Variants in PID1 observed in about 807,000 individuals in gnomAD.
PID1 encodes the protein phosphotyrosine interaction domain containing 1.
PID1 carries 10 observed loss-of-function variants against 19.1 expected under a neutral mutation model. That is an observed-to-expected ratio of 0.52 (90% confidence interval 0.32 to 0.89). The LOEUF is 0.89. PID1 is among the 40% of genes least tolerant of loss of function. The probability of loss-of-function intolerance (pLI) is 0.03; values close to 1 mark genes in which losing one functional copy is unlikely to be tolerated. For synonymous variants in PID1, 130 were observed against 116.0 expected (o/e 1.12, Z -0.78); for missense variants, 248 against 285.3 (o/e 0.87, Z 0.94).
chr2:229,068,734 G>A (rs1423092316), intron 2 of PID1, among the ~76,000 whole-genome samples: 4 of 152,258 alleles, frequency 2.6e-5, no homozygotes, highest in South Asian at 2.1e-4. Context: ...GAAGCCGCCC[G>A]CAAGGGTATC....
At chr2:229,029,211 C>G (rs2106163276) in intron 2 of PID1, among the ~76,000 whole-genome samples, 1 of 151,566 alleles carries the variant, frequency 6.6e-6, no homozygotes, top group South Asian at 2.1e-4. Context: ...ACTTGTACCC[C>G]TGGACCTAAA....
chr2:229,046,855 C>T (rs1484613289), intron 2 of PID1, among the ~76,000 whole-genome samples: 4 of 152,182 alleles, frequency 2.6e-5, no homozygotes, highest in African/African-American at 9.7e-5. Flanking sequence ...GTTCTGCAAT[C>T]CAACGGTCTA....
Position 229,265,415 on chromosome 2 carries a change from G to C in PID1, c.30+5599C>G, listed in dbSNP as rs116509932. Among the ~76,000 whole-genome samples, 444 of 152,336 alleles carry C rather than the reference G, an allele frequency of 2.9e-3. 1 individual carries two copies. The highest frequency in any genetic ancestry group is 0.017 in the Middle Eastern group (5 of 294). ...TTTTCCCTGACACCTTCCTTTTGCA[G>C]TCTTTGGCCTCAAGGGTTGGACCTG... On this transcript the variant is annotated intron_variant, in intron 1 of 2. Coordinates refer to ENST00000392055, the MANE Select transcript of PID1 (RefSeq NM_001100818.2).
chr2:229,092,064 C>T (rs1040224085), intron 2 of PID1, among the ~76,000 whole-genome samples: 4 of 112,036 alleles, frequency 3.6e-5, no homozygotes, highest in African/African-American at 1.2e-4. Flanking sequence ...ATCGTCCTGG[C>T]TTGCACTGAT....
chr2:229,061,512 T>C (rs1694211833), intron 2 of PID1, among the ~76,000 whole-genome samples: 1 of 152,112 alleles, frequency 6.6e-6, no homozygotes, highest in Admixed American at 6.6e-5. Flanking sequence ...ACTACAACTT[T>C]GTAATAGATT....
At chr2:229,072,264 A>G (rs1694470127) in intron 2 of PID1, among the ~76,000 whole-genome samples, 1 of 152,224 alleles carries the variant, frequency 6.6e-6, no homozygotes, top group Admixed American at 6.5e-5. Context: ...TTTTGCTATC[A>G]TAATGTTAAT....
chr2:229,161,179 C>T (rs988523408), intron 1 of PID1, among the ~76,000 whole-genome samples: 6 of 152,166 alleles, frequency 3.9e-5, no homozygotes, highest in Non-Finnish European at 7.3e-5. Flanking sequence ...TGGAGATGGG[C>T]ATGCAGGGTT....
At chr2:229,117,617 G>A (rs906228688) in intron 2 of PID1, among the ~76,000 whole-genome samples, 12 of 152,074 alleles carry the variant, frequency 7.9e-5, no homozygotes, top group Non-Finnish European at 1.6e-4. Context: ...GATTTCCAAA[G>A]CTCTTCTAAG....
chr2:229,164,610 T>A (rs1690561610), intron 1 of PID1, among the ~76,000 whole-genome samples: 2 of 152,158 alleles, frequency 1.3e-5, no homozygotes, highest in Admixed American at 6.6e-5. Context: ...TGAATTAACA[T>A]GAACAGGGAT....
intron 1 of PID1, among the ~76,000 whole-genome samples, chr2:229,197,242 T>C (rs1329797206): frequency 6.6e-6 from 1 of 152,016 alleles, no homozygotes; most frequent in Admixed American, 6.6e-5. Flanking sequence ...ACTTAATTGA[T>C]ATAACCCAAA....
chr2:229,196,405 T>A (rs978531584), intron 1 of PID1, among the ~76,000 whole-genome samples: 2 of 152,076 alleles, frequency 1.3e-5, no homozygotes, highest in Admixed American at 1.3e-4. Flanking sequence ...AATCAAAGAA[T>A]CTATGGCTTT....
intron 1 of PID1, among the ~76,000 whole-genome samples, chr2:229,246,329 T>G (rs942791297): frequency 7.9e-5 from 12 of 152,150 alleles, no homozygotes; most frequent in African/African-American, 2.9e-4. Flanking sequence ...ACCATCCTCA[T>G]TCACGTAACA....
chr2:229,027,073 G>T (rs1693438943), intron 2 of PID1, among the ~76,000 whole-genome samples: 1 of 152,044 alleles, frequency 6.6e-6, no homozygotes. Flanking sequence ...GAAATACTAC[G>T]AATGCGAGGA....
chr2:229,075,327 T>C (rs1275788083), intron 2 of PID1, among the ~76,000 whole-genome samples: 1 of 152,210 alleles, frequency 6.6e-6, no homozygotes, highest in Admixed American at 6.5e-5. Flanking sequence ...TGTATATGCA[T>C]TGAGAGATTT....
At chr2:229,151,767 T>C (rs1690259681) in intron 2 of PID1, among the ~76,000 whole-genome samples, 1 of 152,130 alleles carries the variant, frequency 6.6e-6, no homozygotes, top group Non-Finnish European at 1.5e-5. Flanking sequence ...AGATGGGTTT[T>C]CAACGTGTTA....
At chr2:229,141,618 A>G (rs1010868151) in intron 2 of PID1, among the ~76,000 whole-genome samples, 1 of 150,544 alleles carries the variant, frequency 6.6e-6, no homozygotes, top group African/African-American at 2.4e-5. Context: ...CAACTCTTAA[A>G]GAGAATGCAT....
intron 1 of PID1, among the ~76,000 whole-genome samples, chr2:229,184,898 TATATGTATCCCATATATATCCTAC>T (rs1204409850): frequency 1.4e-5 from 2 of 143,334 alleles, no homozygotes; most frequent in African/African-American, 2.6e-5. Flanking sequence ...ATGTATCCTA[TATATGTATCCCATATATATCCTAC>T]ATATGTATCC....
At chr2:229,141,277 C>G (rs1422881437) in intron 2 of PID1, among the ~76,000 whole-genome samples, 1 of 152,050 alleles carries the variant, frequency 6.6e-6, no homozygotes, top group African/African-American at 2.4e-5. Context: ...CCTGGAGCTC[C>G]TTCTACCTCC....
At chr2:229,198,182 G>A (rs1007359769) in intron 1 of PID1, among the ~76,000 whole-genome samples, 5 of 151,968 alleles carry the variant, frequency 3.3e-5, no homozygotes, top group South Asian at 4.1e-4. Context: ...TGTCTTTCCC[G>A]TTGTACTAGA....
Sources: gnomAD v4.1 joint callset for allele counts (sites outside exome capture counted in the v4.1 genomes callset) on GRCh38, gnomAD v4.1.1 for gene constraint, MANE v1.5 for transcripts, NCBI Gene and HGNC (gene_info 2026-07-23, HGNC 2026-07-21) for gene names.